The following PXDNL variants were observed in gnomAD, a reference collection of about 807,000 sequenced individuals.
PXDNL encodes peroxidasin like, also known as probable oxidoreductase PXDNL.
In PXDNL, 145 loss-of-function variants were observed where a neutral mutation model predicts 150.8. The observed-to-expected ratio is 0.96, with a 90% CI of 0.84 to 1.10. The LOEUF (loss-of-function observed/expected upper bound fraction) is 1.10. Among genes scored for constraint, PXDNL ranks in the 50% least tolerant of loss-of-function variants. The probability of loss-of-function intolerance (pLI) is 0.00; values close to 1 mark genes in which losing one functional copy is unlikely to be tolerated. For synonymous variants in PXDNL, 757 were observed against 725.7 expected, an observed-to-expected ratio of 1.04 and a Z score of -0.69; for missense variants, 2,087 against 1,873.9, an observed-to-expected ratio of 1.11 and a Z score of -2.10.
In PXDNL at chr8:51,453,613, T is replaced by C. The variant is rs1809859373; in HGVS notation, c.1155A>G (p.Leu385=). 1 of 1,613,918 alleles carries C rather than the reference T, an allele frequency of 6.2e-7. No homozygotes were observed. The change falls in exon 10 of 23, where the codon TTA becomes TTG. Residue 385 remains leucine, a synonymous_variant. Coordinates refer to ENST00000356297, the MANE Select transcript of PXDNL (RefSeq NM_144651.5). The part of the protein sequence containing the change: ...RHVATSSGLY[L]QNITQRDHGR... ...CATGATCCCGTTGTGTGATGTTCTG[T>C]AAGTAAAGTCCACTGGACGTTGCCA...
In PXDNL at chr8:51,453,734, G is replaced by A; in HGVS notation, c.1034C>T (p.Thr345Ile). The A allele has an allele frequency of 3.7e-6, 6 of 1,614,044 alleles. No individual in the cohort carries two copies. The highest frequency in any genetic ancestry group is 5.1e-6 in the Non-Finnish European group (6 of 1,179,904). ...QPQDTEVLIG[T>I]STTLECMATG... Reference sequence around the variant, plus strand: ...GGCCATACATTCCAAAGTTGTGCTGGTGCCAATTAAAACCTCTGTGTCCTG... The same window carrying A: ...GGCCATACATTCCAAAGTTGTGCTGATGCCAATTAAAACCTCTGTGTCCTG... The change falls in exon 10 of 23, where the codon ACC becomes ATC. Residue 345 changes from threonine (T) to isoleucine (I), a missense_variant. Transcript: ENST00000356297.
chr8:51,614,473 AT>A (rs1247346056), intron 2 of PXDNL, among the ~76,000 whole-genome samples: 3 of 152,024 alleles, frequency 2.0e-5, no homozygotes, highest in Non-Finnish European at 4.4e-5. Flanking sequence ...ACTATACCTT[AT>A]TTTCCCTTTT....
rs1266565874 is a variant in PXDNL at position 51,775,147 on chromosome 8, T to C, written c.164+34034A>G. On this transcript the variant is annotated intron_variant, in intron 1 of 22. Transcript: ENST00000356297. ...TCACTTAGGTAGGTTGCTTATTAATTACTATCTATCCACCCACAAAGGCCA... is the reference window on the plus strand; with the variant it reads ...TCACTTAGGTAGGTTGCTTATTAATCACTATCTATCCACCCACAAAGGCCA... 2.0e-5 allele frequency among the ~76,000 whole-genome samples: 3 copies of C among 152,198 alleles called. No homozygotes were observed. In the South Asian group the frequency reaches 6.2e-4, roughly 32 times the overall value.
chr8:51,686,459 T>G (rs1268328217), intron 1 of PXDNL, among the ~76,000 whole-genome samples: 1 of 152,210 alleles, frequency 6.6e-6, no homozygotes, highest in Non-Finnish European at 1.5e-5. Context: ...CTAGTGGTTC[T>G]CCTCCTGTTC....
chr8:51,752,713 G>A (rs779370364), intron 1 of PXDNL, among the ~76,000 whole-genome samples: 2 of 152,100 alleles, frequency 1.3e-5, no homozygotes, highest in African/African-American at 2.4e-5. Flanking sequence ...TAAAATTACT[G>A]TTCATGCCTT....
intron 4 of PXDNL, among the ~76,000 whole-genome samples, chr8:51,520,108 C>T (rs1410509160): frequency 6.6e-6 from 1 of 152,092 alleles, no homozygotes; most frequent in East Asian, 1.9e-4. Flanking sequence ...AGAAAGAATG[C>T]CGGGGAATCT....
chr8:51,687,163 C>A (rs1003501129), intron 1 of PXDNL, among the ~76,000 whole-genome samples: 1 of 152,066 alleles, frequency 6.6e-6, no homozygotes, highest in Non-Finnish European at 1.5e-5. Flanking sequence ...AAAATATATA[C>A]GTTTCTACTT....
intron 20 of PXDNL, 61 bp downstream of exon 20, chr8:51,345,772 T>C (rs1054396781): frequency 1.0e-6 from 1 of 973,014 alleles, no homozygotes; most frequent in African/African-American, 1.6e-5. Flanking sequence ...AAAAACAAAT[T>C]GTAGGTTTGA....
chr8:51,522,582 G>A lies in PXDNL; in HGVS notation c.381-22812C>T, dbSNP rs112706597. The stretch of plus-strand genomic sequence containing the variant: ...ATGTAAGGCCGGGGCGGTGGCTCTC[G>A]CCTGTAATCCCAGCACTTTGGGGGG... On this transcript the variant is annotated intron_variant, in intron 4 of 22. Transcript: ENST00000356297. 6.8e-3 allele frequency among the ~76,000 whole-genome samples: 1,032 copies of A among 152,222 alleles called. 8 individuals are homozygous for A. Among genetic ancestry groups the A allele is most frequent in the African/African-American group, 0.024 (981 of 41,540 alleles).
At chr8:51,418,752 G>A (rs529536440) in intron 14 of PXDNL, among the ~76,000 whole-genome samples, 7 of 152,288 alleles carry the variant, frequency 4.6e-5, no homozygotes, top group East Asian at 1.9e-4. Context: ...GTCAGCTAAC[G>A]TAGCCTTAAA....
chr8:51,533,762 C>A (rs1811970427), intron 4 of PXDNL, among the ~76,000 whole-genome samples: 1 of 150,954 alleles, frequency 6.6e-6, no homozygotes, highest in East Asian at 2.0e-4. Context: ...GCCGGGATTG[C>A]AGACGGAGTC....
rs368773267 is a variant in PXDNL, at chr8:51,718,256, A to G, written c.165-63496T>C. Among the ~76,000 whole-genome samples the G allele has an allele frequency of 5.9e-5, 9 of 152,156 alleles. No individual in the cohort carries two copies. The South Asian group carries it at 1.2e-3, about 21-fold the overall frequency. ...TCTGGAAGGAGGGAGACCACCTTCC[A>G]TGTGGGGGCCAGGGACTGAGGGGGA... On this transcript the variant is annotated intron_variant, in intron 1 of 22. Transcript: ENST00000356297.
At chr8:51,774,799 C>T (rs1376099850) in intron 1 of PXDNL, among the ~76,000 whole-genome samples, 1 of 151,880 alleles carries the variant, frequency 6.6e-6, no homozygotes, top group Non-Finnish European at 1.5e-5. Flanking sequence ...GCCTGGGAGA[C>T]AAAGGGAGAC....
At chr8:51,423,448 A>G in intron 14 of PXDNL, 127 bp downstream of exon 14, 1 of 580,778 alleles carries the variant, frequency 1.7e-6, no homozygotes, top group Non-Finnish European at 2.6e-6. Flanking sequence ...AGCTTTGACT[A>G]TAAACACACT....
intron 13 of PXDNL, among the ~76,000 whole-genome samples, chr8:51,425,693 C>G (rs565735519): frequency 6.6e-6 from 1 of 151,810 alleles, no homozygotes; most frequent in Non-Finnish European, 1.5e-5. Flanking sequence ...TGGTGGCGGG[C>G]GCCTGTAGTC....
intron 1 of PXDNL, chr8:51,722,030 C>T: frequency 5.1e-6 from 1 of 197,614 alleles, no homozygotes. Context: ...TTAAGGAGAG[C>T]TGTAGTTTTT....
intron 10 of PXDNL, 84 bp downstream of exon 10, chr8:51,453,435 T>C: frequency 7.6e-7 from 1 of 1,311,390 alleles, no homozygotes; most frequent in Non-Finnish European, 1.1e-6. Context: ...TCTCCACTGA[T>C]GTACATGACA....
chr8:51,373,284 C>T (rs1290537288), intron 18 of PXDNL, among the ~76,000 whole-genome samples: 2 of 152,134 alleles, frequency 1.3e-5, no homozygotes, highest in Non-Finnish European at 2.9e-5. Context: ...GAAGAGACGC[C>T]CCAGTAGGAA....
At chr8:51,430,892 A>G (rs1809231478) in intron 12 of PXDNL, among the ~76,000 whole-genome samples, 1 of 152,168 alleles carries the variant, frequency 6.6e-6, no homozygotes, top group Non-Finnish European at 1.5e-5. Flanking sequence ...GCCCTTGTCA[A>G]TTCAGATCCT....
Sources: allele counts gnomAD v4.1 joint callset (sites outside exome capture counted in the v4.1 genomes callset), GRCh38; gene constraint gnomAD v4.1.1; transcripts MANE v1.5; gene names NCBI Gene and HGNC (gene_info 2026-07-23, HGNC 2026-07-21).